Variants in WDR70 observed in about 807,000 individuals in gnomAD.
WDR70 encodes the protein WD repeat-containing protein 70.
Under a neutral mutation model 88.6 loss-of-function variants are expected in WDR70, and 53 were observed. The observed-to-expected ratio is 0.60, with a 90% confidence interval of 0.48 to 0.75. The LOEUF (loss-of-function observed/expected upper bound fraction) is 0.75, where lower values mean the gene tolerates loss of function less well. Among genes scored for constraint, WDR70 ranks in the 30% least tolerant of loss-of-function variants. The pLI is 0.00. For missense variants in WDR70, 610 were observed against 823.2 expected (o/e 0.74, Z 3.17); for synonymous variants, 280 against 270.0 (o/e 1.04, Z -0.36).
intron 13 of WDR70, 24 bp from the exon 14 acceptor site, chr5:37,721,091 A>G (rs1258995611): frequency 6.2e-7 from 1 of 1,610,702 alleles, no homozygotes; most frequent in Admixed American, 1.7e-5. Context: ...CTCTTTAGTC[A>G]ACCACTGCGC....
intron 9 of WDR70, among the ~76,000 whole-genome samples, chr5:37,536,102 A>G (rs1339108637): frequency 6.6e-6 from 1 of 152,168 alleles, no homozygotes; most frequent in East Asian, 1.9e-4. Context: ...GTGCTACCAC[A>G]TTGTCTGACT....
At chr5:37,742,555 C>T (rs986452534) in intron 17 of WDR70, among the ~76,000 whole-genome samples, 1 of 151,990 alleles carries the variant, frequency 6.6e-6, no homozygotes, top group Admixed American at 6.6e-5. Context: ...CAGTTGTGTC[C>T]TTTGAAGCAC....
At chr5:37,392,188 T>A in intron 4 of WDR70, 68 bp downstream of exon 4, 1 of 1,512,634 alleles carries the variant, frequency 6.6e-7, no homozygotes, top group African/African-American at 1.4e-5. Flanking sequence ...TTTTTTTTTT[T>A]TTTTTTAATT....
At chr5:37,737,113 T>C (rs1231366126) in intron 17 of WDR70, among the ~76,000 whole-genome samples, 1 of 152,122 alleles carries the variant, frequency 6.6e-6, no homozygotes, top group African/African-American at 2.4e-5. Flanking sequence ...ACACCTGATA[T>C]CCAAAGCAAG....
At chr5:37,601,329 G>A (rs1319400211) in intron 9 of WDR70, among the ~76,000 whole-genome samples, 1 of 152,120 alleles carries the variant, frequency 6.6e-6, no homozygotes, top group Admixed American at 6.5e-5. Flanking sequence ...CATATTTATT[G>A]GTTTACATAT....
At chr5:37,437,196 A>T (rs535865159) in intron 5 of WDR70, among the ~76,000 whole-genome samples, 1 of 152,254 alleles carries the variant, frequency 6.6e-6, no homozygotes, top group Admixed American at 6.5e-5. Context: ...GTACAATCCC[A>T]CTTCAGTAAA....
chr5:37,683,388 T>A (rs1267069359), intron 10 of WDR70, among the ~76,000 whole-genome samples: 2 of 152,214 alleles, frequency 1.3e-5, no homozygotes, highest in Non-Finnish European at 2.9e-5. Flanking sequence ...GTCATCATGA[T>A]GTTAGCTGGC....
intron 8 of WDR70, 40 bp downstream of exon 8, chr5:37,480,027 A>C: frequency 6.3e-7 from 1 of 1,577,216 alleles, no homozygotes; most frequent in Non-Finnish European, 8.6e-7. Context: ...TTAATTCAGC[A>C]CACATTTATT....
chr5:37,422,995 G>C (rs1359666191), intron 5 of WDR70, among the ~76,000 whole-genome samples: 1 of 152,106 alleles, frequency 6.6e-6, no homozygotes, highest in Non-Finnish European at 1.5e-5. Context: ...TACCAAGGTG[G>C]TGGAGAGCCA....
At chr5:37,389,313 C>T (rs115802016) in intron 3 of WDR70, among the ~76,000 whole-genome samples, 25,206 of 142,878 alleles carry the variant, frequency 0.18, 2,384 homozygotes, top group African/African-American at 0.21. Context: ...AGGCTGGTCT[C>T]GAACTCCTGA....
chr5:37,559,050 C>T (rs1742405005), intron 9 of WDR70, among the ~76,000 whole-genome samples: 1 of 151,970 alleles, frequency 6.6e-6, no homozygotes, highest in Admixed American at 6.6e-5. Context: ...TCTCCTGCCT[C>T]AGCCTCCCGA....
At position 37,623,589 on chromosome 5, in the gene WDR70, T is replaced by C. The variant is rs531208449; in HGVS notation, c.1092+18351T>C. Among the ~76,000 whole-genome samples the C allele has an allele frequency of 8.5e-5, 13 of 152,284 alleles. No individual in the cohort carries two copies. The South Asian group carries it at 2.5e-3, about 29-fold the overall frequency. On this transcript the variant is annotated intron_variant, in intron 10 of 17. Transcript: ENST00000265107. ...TATTTGGAACTTTTATACTATTTCA[T>C]AGAGCTCAAGTTAATACCAGCTATT...
intron 10 of WDR70, among the ~76,000 whole-genome samples, chr5:37,645,654 A>G (rs1002477791): frequency 1.6e-4 from 24 of 151,924 alleles, no homozygotes; most frequent in Non-Finnish European, 2.5e-4. Context: ...GGGTGCTCCA[A>G]TGTTGGGTGC....
chr5:37,737,858 T>C (rs1748345427), intron 17 of WDR70, among the ~76,000 whole-genome samples: 1 of 152,124 alleles, frequency 6.6e-6, no homozygotes, highest in Non-Finnish European at 1.5e-5. Flanking sequence ...ATGTATGTTC[T>C]TTTTTCCATC....
At chr5:37,675,696 C>A (rs1160964639) in intron 10 of WDR70, among the ~76,000 whole-genome samples, 2 of 152,058 alleles carry the variant, frequency 1.3e-5, no homozygotes, top group South Asian at 2.1e-4. Context: ...CTTTTGGCTT[C>A]GGATTGCCTT....
At chr5:37,737,367 A>T (rs73751126) in intron 17 of WDR70, among the ~76,000 whole-genome samples, 3,622 of 152,264 alleles carry the variant, frequency 0.024, 161 homozygotes, top group African/African-American at 0.082. Context: ...AACTGTAACT[A>T]AGTACAGTGT....
rs529142221 is a variant in WDR70, at chr5:37,562,473, C to A, written c.918-42591C>A. Reference sequence around the variant, plus strand: ...TTTTTTTTTTTTTTAATTGATCATTCTTGGGTGTTTCTCCCAGAGGGGGAT... The same window carrying A: ...TTTTTTTTTTTTTTAATTGATCATTATTGGGTGTTTCTCCCAGAGGGGGAT... On this transcript the variant is annotated intron_variant, in intron 9 of 17. Transcript: ENST00000265107. 6.5e-5 allele frequency among the ~76,000 whole-genome samples: 9 copies of A among 137,556 alleles called. No homozygotes were observed. In the South Asian group the frequency reaches 1.8e-3, roughly 27 times the overall value. 90.2% of individuals were successfully genotyped at this position (137,556 alleles called of 152,430 possible). A position where few individuals can be genotyped will look rare whatever the true frequency, so the allele number is the denominator to read the frequency against.
chr5:37,506,788 A>C, intron 8 of WDR70: 1 of 1,351,748 alleles, frequency 7.4e-7, no homozygotes, highest in Non-Finnish European at 1.1e-6. Context: ...AAATCAGATA[A>C]AGTTCCATAT....
At chr5:37,629,721 A>C (rs997128818) in intron 10 of WDR70, among the ~76,000 whole-genome samples, 1 of 152,068 alleles carries the variant, frequency 6.6e-6, no homozygotes, top group Non-Finnish European at 1.5e-5. Flanking sequence ...ATTCTCTTGT[A>C]TCTCACTCAG....
Sources: allele counts gnomAD v4.1 joint callset (sites outside exome capture counted in the v4.1 genomes callset), GRCh38; gene constraint gnomAD v4.1.1; transcripts MANE v1.5; gene names NCBI Gene and HGNC (gene_info 2026-07-23, HGNC 2026-07-21).